RAB3GAP2: variants seen among roughly 807,000 people sequenced by gnomAD.
The protein encoded by RAB3GAP2 is rab3 GTPase-activating protein non-catalytic subunit.
In RAB3GAP2, 87 loss-of-function variants were observed where a neutral mutation model predicts 185.3. The ratio of observed to expected loss-of-function variants is 0.47; its 90% CI spans 0.39 to 0.56. RAB3GAP2 has a LOEUF of 0.56. Ranked by LOEUF, RAB3GAP2 falls within the 20% of genes least tolerant of loss-of-function variation. RAB3GAP2 has a pLI of 0.00. For missense variants in RAB3GAP2, 1,492 were observed against 1,638.2 expected, an observed-to-expected ratio of 0.91 and a Z score of 1.54; for synonymous variants, 554 against 576.1, an observed-to-expected ratio of 0.96 and a Z score of 0.55.
chr1:220,198,442 C>T (rs978323270), intron 9 of RAB3GAP2, among the ~76,000 whole-genome samples: 4 of 152,148 alleles, frequency 2.6e-5, no homozygotes, highest in Non-Finnish European at 5.9e-5. Context: ...GACCACATTC[C>T]TATAGTATTA....
chr1:220,263,303 T>A (rs2102534052), intron 1 of RAB3GAP2, among the ~76,000 whole-genome samples: 1 of 152,260 alleles, frequency 6.6e-6, no homozygotes, highest in South Asian at 2.1e-4. Flanking sequence ...TTAAGCTTAG[T>A]GTAGCCCCAT....
chr1:220,201,688 C>T (rs1435252101), intron 9 of RAB3GAP2, among the ~76,000 whole-genome samples: 6 of 151,868 alleles, frequency 4.0e-5, no homozygotes, highest in East Asian at 2.0e-4. Context: ...TTAGTAGAGA[C>T]GGGGTTTCAC....
At chr1:220,252,516 T>G (rs1021706363) in intron 1 of RAB3GAP2, among the ~76,000 whole-genome samples, 3 of 152,130 alleles carry the variant, frequency 2.0e-5, no homozygotes, top group Non-Finnish European at 2.9e-5. Flanking sequence ...TGGGACTGAC[T>G]GGACAAACAG....
chr1:220,228,877 G>T (rs1041251887), intron 2 of RAB3GAP2, among the ~76,000 whole-genome samples: 18 of 152,176 alleles, frequency 1.2e-4, no homozygotes, highest in African/African-American at 4.3e-4. Flanking sequence ...TCATCCATTA[G>T]GGCCATTTGT....
chr1:220,158,815 A>ACATGCACACACACATG lies in RAB3GAP2; in HGVS notation c.3261+555_3261+570dup, dbSNP rs978204723. Among the ~76,000 whole-genome samples the ACATGCACACACACATG allele has an allele frequency of 2.0e-5, 3 of 152,150 alleles. No homozygotes were observed. The highest frequency in any genetic ancestry group is 4.4e-5 in the Non-Finnish European group (3 of 68,028). Reference sequence around the variant, plus strand: ...AGCAAATAATTCAGTGTTTGTGGGTACATGCACACACACATGCATGCACAC... The same window carrying ACATGCACACACACATG: ...AGCAAATAATTCAGTGTTTGTGGGTACATGCACACACACATGCATGCACACACACATGCATGCACAC... On this transcript the variant is annotated intron_variant, in intron 29 of 34. Coordinates refer to ENST00000358951, the MANE Select transcript of RAB3GAP2 (RefSeq NM_012414.4). This position sits in a 1 kb window ranked among gnomAD's most constrained non-coding sequence, Gnocchi z 4.3.
chr1:220,199,597 C>T (rs1558152733), intron 9 of RAB3GAP2, among the ~76,000 whole-genome samples: 1 of 152,178 alleles, frequency 6.6e-6, no homozygotes. Context: ...ATGTCCAATT[C>T]GTATACTTGA....
chr1:220,242,732 T>C (rs1309836413), intron 1 of RAB3GAP2, among the ~76,000 whole-genome samples: 1 of 152,222 alleles, frequency 6.6e-6, no homozygotes, highest in African/African-American at 2.4e-5. Context: ...TTACGAACCA[T>C]TATTTTTTAA....
At chr1:220,198,082 A>C (rs1285777004) in intron 9 of RAB3GAP2, among the ~76,000 whole-genome samples, 1 of 152,060 alleles carries the variant, frequency 6.6e-6, no homozygotes, top group Non-Finnish European at 1.5e-5. Context: ...TCTTGGGATC[A>C]CTTCCCTTTC....
chr1:220,156,238 A>T (rs1657854802), intron 31 of RAB3GAP2, among the ~76,000 whole-genome samples: 1 of 152,190 alleles, frequency 6.6e-6, no homozygotes, highest in Non-Finnish European at 1.5e-5. Flanking sequence ...GGTGTGAGCC[A>T]CCATGACTGT....
intron 2 of RAB3GAP2, among the ~76,000 whole-genome samples, chr1:220,230,439 C>T (rs927269699): frequency 1.3e-5 from 2 of 152,178 alleles, no homozygotes; most frequent in Non-Finnish European, 2.9e-5. Context: ...GTGTTGTTCG[C>T]GGAGGTGCTG....
intron 1 of RAB3GAP2, among the ~76,000 whole-genome samples, chr1:220,250,655 A>G (rs922530916): frequency 3.8e-4 from 58 of 152,300 alleles, no homozygotes; most frequent in African/African-American, 1.3e-3. Flanking sequence ...ATTGTACTTC[A>G]GATAATCCCC....
Position 220,216,207 on chromosome 1 carries a change from G to A in RAB3GAP2, c.181-2228C>T, listed in dbSNP as rs528313800. Among the ~76,000 whole-genome samples the A allele has an allele frequency of 2.1e-3, 318 of 152,234 alleles. 1 individual carries two copies. The highest frequency in any genetic ancestry group is 3.5e-3 in the Non-Finnish European group (236 of 68,002). ...TTTTTTCTCAAGCAAAATAAGCTAAGGAGGCTGCACCATCTCCCGAAAGAT... is the reference window on the plus strand; with the variant it reads ...TTTTTTCTCAAGCAAAATAAGCTAAAGAGGCTGCACCATCTCCCGAAAGAT... On this transcript the variant is annotated intron_variant, in intron 2 of 34. Coordinates refer to ENST00000358951, the MANE Select transcript of RAB3GAP2 (RefSeq NM_012414.4).
chr1:220,183,755 G>A (rs2102865921), intron 19 of RAB3GAP2, among the ~76,000 whole-genome samples: 1 of 152,100 alleles, frequency 6.6e-6, no homozygotes, highest in South Asian at 2.1e-4. Context: ...GTGGCTCTCA[G>A]GGATACAACC....
At chr1:220,214,852 G>C (rs536259539) in intron 2 of RAB3GAP2, among the ~76,000 whole-genome samples, 1 of 149,452 alleles carries the variant, frequency 6.7e-6, no homozygotes, top group Non-Finnish European at 1.5e-5. Context: ...GTTAACTCTA[G>C]AGACAATGCA....
chr1:220,159,108 G>C (rs1025197303), intron 29 of RAB3GAP2, among the ~76,000 whole-genome samples: 3 of 152,164 alleles, frequency 2.0e-5, no homozygotes, highest in Non-Finnish European at 4.4e-5. Flanking sequence ...GGAATATGCA[G>C]CAATGGTAGC....
At chr1:220,156,104 CCAT>C (rs962099625) in intron 31 of RAB3GAP2, among the ~76,000 whole-genome samples, 1 of 152,012 alleles carries the variant, frequency 6.6e-6, no homozygotes, top group Non-Finnish European at 1.5e-5. Flanking sequence ...GCACACACCA[CCAT>C]GCCTGGCTAG....
At position 220,172,642 on chromosome 1, in the gene RAB3GAP2, A is replaced by G. The variant is rs1388541354; in HGVS notation, c.2411T>C (p.Met804Thr). 1 of 1,603,952 alleles carries G rather than the reference A, an allele frequency of 6.2e-7. No individual in the cohort carries two copies. Among genetic ancestry groups the G allele is most frequent in the Non-Finnish European group, 8.5e-7 (1 of 1,170,708 alleles). Residue 804 changes from methionine (M) to threonine (T), a missense_variant, in exon 22 of 35, where the codon ATG (methionine) becomes ACG (threonine). By Grantham distance (81) the Met-to-Thr change is moderately conservative. Transcript: ENST00000358951. The stretch of plus-strand genomic sequence containing the variant: ...GAGCAACAAACTTTGTTTACCTTTC[A>G]TCTTGCTCAGGAGGGACAGCATGGT... ...LHTMLSLLSKMKVAIDETWDS... is the reference protein window; with the variant it reads ...LHTMLSLLSKTKVAIDETWDS...
At chr1:220,204,832 C>T (rs1479087956) in intron 8 of RAB3GAP2, among the ~76,000 whole-genome samples, 4 of 147,312 alleles carry the variant, frequency 2.7e-5, no homozygotes, top group African/African-American at 1.0e-4. Context: ...TGAGAACATG[C>T]AGTGTTTGGT....
Position 220,196,341 on chromosome 1 carries a change from A to C in RAB3GAP2, c.869T>G (p.Phe290Cys). The C allele has an allele frequency of 5.0e-6, 8 of 1,608,466 alleles. No homozygotes were observed. The highest frequency in any genetic ancestry group is 6.8e-6 in the Non-Finnish European group (8 of 1,174,918). ...TGGACTATTTTTAATTGCTGCATTA[A>C]ATCCACCTATATTGGAGGCAGTCTT... The part of the protein sequence containing the change: ...QMKTASNIGG[F>C]NAAIKNSPPA... Residue 290 changes from phenylalanine to cysteine, a missense_variant, in exon 10 of 35, where the codon TTT (phenylalanine) becomes TGT (cysteine). By Grantham distance (205) the Phe-to-Cys change is radical (BLOSUM62 -2). This residue lies in a region of RAB3GAP2 where 243 missense variants were observed against 314.8 expected (regional missense o/e 0.77). Transcript: ENST00000358951.
Sources: gnomAD v4.1 joint callset for allele counts (sites outside exome capture counted in the v4.1 genomes callset) on GRCh38, gnomAD v4.1.1 for gene constraint, gnomAD v4.1.1 regional missense constraint, Gnocchi (gnomAD v3.1) non-coding constraint, MANE v1.5 for transcripts, NCBI Gene and HGNC (gene_info 2026-07-23, HGNC 2026-07-21) for gene names.